The following CNBD1 variants were observed in gnomAD, a reference collection of about 807,000 sequenced individuals.
CNBD1 encodes cyclic nucleotide-binding domain-containing protein 1.
A neutral mutation model predicts 54.4 loss-of-function variants in CNBD1; 71 were observed. The ratio of observed to expected loss-of-function variants is 1.30; its 90% CI spans 1.08 to 1.59. CNBD1 has a LOEUF of 1.59. Among genes scored for constraint, CNBD1 ranks in the 40% most tolerant of loss-of-function variants. CNBD1 has a pLI of 0.00. For synonymous variants in CNBD1, 182 were observed against 170.7 expected (o/e 1.07, Z -0.51); for missense variants, 659 against 518.0 (o/e 1.27, Z -2.64).
chr8:87,125,786 CTTCCTCAT>C (rs1811979108), intron 4 of CNBD1, among the ~76,000 whole-genome samples: 1 of 151,376 alleles, frequency 6.6e-6, no homozygotes, highest in African/African-American at 2.4e-5. Context: ...ATTCCCATCA[CTTCCTCAT>C]TTCCTCATAT....
chr8:87,375,602 A>T lies in CNBD1; in HGVS notation c.1304-7018A>T, dbSNP rs76235278. ...TTTCTTAGGCTATCATAGGAACCGA[A>T]TCAAGGTTATTAGATTGGAATATTG... On this transcript the variant is annotated intron_variant, in intron 10 of 10. Coordinates refer to ENST00000518476, the MANE Select transcript of CNBD1 (RefSeq NM_173538.3). Among the ~76,000 whole-genome samples, 1,476 of 151,976 alleles carry T rather than the reference A, an allele frequency of 9.7e-3. 21 individuals are homozygous for T. The highest frequency in any genetic ancestry group is 0.033 in the African/African-American group (1,359 of 41,506).
intron 8 of CNBD1, among the ~76,000 whole-genome samples, chr8:87,348,309 G>A (rs1810215260): frequency 2.0e-5 from 3 of 152,102 alleles, no homozygotes; most frequent in Admixed American, 2.0e-4. Flanking sequence ...AAGAAGTAGT[G>A]TTTAATATTG....
chr8:87,225,779 C>A (rs1012662667), intron 5 of CNBD1, among the ~76,000 whole-genome samples: 11 of 150,038 alleles, frequency 7.3e-5, no homozygotes, highest in Non-Finnish European at 4.5e-5. Flanking sequence ...AGGATTCCCT[C>A]TTTTTCTATT....
chr8:86,977,992 C>T (rs1808380720), intron 4 of CNBD1, among the ~76,000 whole-genome samples: 1 of 152,080 alleles, frequency 6.6e-6, no homozygotes, highest in Non-Finnish European at 1.5e-5. Context: ...CAACAATATA[C>T]TAGTAAACTA....
intron 3 of CNBD1, among the ~76,000 whole-genome samples, chr8:86,936,365 A>G (rs527956552): frequency 6.6e-6 from 1 of 152,300 alleles, no homozygotes; most frequent in East Asian, 1.9e-4. Context: ...TATCACACAT[A>G]CAAGTAACAT....
intron 5 of CNBD1, among the ~76,000 whole-genome samples, chr8:87,212,149 A>G (rs943692045): frequency 1.3e-5 from 2 of 152,200 alleles, no homozygotes; most frequent in East Asian, 3.8e-4. Flanking sequence ...TAACCTGCTT[A>G]GGAATAAATT....
chr8:87,330,701 G>A (rs1042604734), intron 8 of CNBD1, among the ~76,000 whole-genome samples: 1 of 152,132 alleles, frequency 6.6e-6, no homozygotes, highest in Admixed American at 6.5e-5. Flanking sequence ...TTTATGGGCT[G>A]AAATGTGGTG....
intron 5 of CNBD1, among the ~76,000 whole-genome samples, chr8:87,206,635 G>T (rs1019771403): frequency 2.0e-5 from 3 of 152,086 alleles, no homozygotes; most frequent in African/African-American, 7.2e-5. Flanking sequence ...AGGGAAAAAA[G>T]CCTCTCTAGA....
chr8:87,122,349 C>G (rs1586271453), intron 4 of CNBD1, among the ~76,000 whole-genome samples: 1 of 151,682 alleles, frequency 6.6e-6, no homozygotes, highest in African/African-American at 2.4e-5. Flanking sequence ...ATTTGTATGT[C>G]TTCTTTGAGA....
chr8:87,340,945 T>A (rs1810051766), intron 8 of CNBD1, among the ~76,000 whole-genome samples: 1 of 152,138 alleles, frequency 6.6e-6, no homozygotes, highest in Non-Finnish European at 1.5e-5. Context: ...TTTCCCATTT[T>A]TTTCATGTTT....
intron 1 of CNBD1, among the ~76,000 whole-genome samples, chr8:86,883,596 C>A (rs1243385062): frequency 6.6e-6 from 1 of 152,012 alleles, no homozygotes. Flanking sequence ...AATGGTGTCA[C>A]AAAAACCCAG....
intron 4 of CNBD1, among the ~76,000 whole-genome samples, chr8:87,146,638 C>A (rs1437545181): frequency 6.6e-6 from 1 of 152,132 alleles, no homozygotes; most frequent in East Asian, 1.9e-4. Context: ...CTTATTCCAG[C>A]CACAGCATAG....
At chr8:87,420,521 C>A (rs769162732) in intron 2 of CNBD1, among the ~76,000 whole-genome samples, 2 of 152,038 alleles carry the variant, frequency 1.3e-5, no homozygotes, top group Non-Finnish European at 2.9e-5. Context: ...TATTACATGT[C>A]AAAGTTTGCT....
At chr8:87,170,298 G>C (rs768025423) in intron 4 of CNBD1, among the ~76,000 whole-genome samples, 21 of 152,044 alleles carry the variant, frequency 1.4e-4, no homozygotes, top group Non-Finnish European at 2.8e-4. Context: ...AGTTCTAATA[G>C]TTTTTTGGCA....
At chr8:87,323,419 G>C (rs1809588854) in intron 8 of CNBD1, among the ~76,000 whole-genome samples, 1 of 139,078 alleles carries the variant, frequency 7.2e-6, no homozygotes, top group South Asian at 2.2e-4. Context: ...TCACGATATT[G>C]ATTCTTCCTA....
chr8:87,361,084 T>C (rs937201410), intron 10 of CNBD1, among the ~76,000 whole-genome samples: 8 of 151,934 alleles, frequency 5.3e-5, no homozygotes, highest in African/African-American at 1.9e-4. Context: ...CCACAGGGAA[T>C]ACACGACTCT....
At chr8:87,198,101 A>G (rs181550255) in intron 4 of CNBD1, among the ~76,000 whole-genome samples, 2 of 152,382 alleles carry the variant, frequency 1.3e-5, no homozygotes, top group Non-Finnish European at 2.9e-5. Context: ...TTGCAACAAT[A>G]TACATTTATT....
At chr8:87,389,168 G>A (rs1021328929) in intron 2 of CNBD1, among the ~76,000 whole-genome samples, 1 of 152,116 alleles carries the variant, frequency 6.6e-6, no homozygotes, top group Non-Finnish European at 1.5e-5. Context: ...AAAACTGGAA[G>A]CATTCCCTTT....
intron 1 of CNBD1, 45 bp from the exon 2 acceptor site, chr8:86,887,497 A>G (rs759359569): frequency 3.8e-5 from 47 of 1,237,462 alleles, no homozygotes; most frequent in Non-Finnish European, 4.6e-6. Context: ...CTTGCTTAAT[A>G]AGATTATGGA....
Sources: gnomAD v4.1 joint callset for allele counts (sites outside exome capture counted in the v4.1 genomes callset) on GRCh38, gnomAD v4.1.1 for gene constraint, MANE v1.5 for transcripts, NCBI Gene and HGNC (gene_info 2026-07-23, HGNC 2026-07-21) for gene names.